Variants in SH3PXD2A observed in about 807,000 individuals in gnomAD.
SH3PXD2A encodes the protein SH3 and PX domains 2A.
In SH3PXD2A, 32 loss-of-function variants were observed where a neutral mutation model predicts 115.2. The observed-to-expected ratio is 0.28, with a 90% confidence interval of 0.21 to 0.37. SH3PXD2A has a LOEUF of 0.37. SH3PXD2A is among the 10% of genes least tolerant of loss of function. The probability of loss-of-function intolerance (pLI) is 1.00; values close to 1 mark genes in which losing one functional copy is unlikely to be tolerated. For synonymous variants in SH3PXD2A, 610 were observed against 629.1 expected (o/e 0.97, Z 0.45); for missense variants, 1,328 against 1,498.7 (o/e 0.89, Z 1.88).
At chr10:103,604,898 A>G (rs1435766338) in intron 14 of SH3PXD2A, among the ~76,000 whole-genome samples, 1 of 152,256 alleles carries the variant, frequency 6.6e-6, no homozygotes, top group Non-Finnish European at 1.5e-5. Context: ...AGTTCCAGGC[A>G]TGTGATTTAA....
intron 6 of SH3PXD2A, among the ~76,000 whole-genome samples, chr10:103,677,046 C>A (rs928092531): frequency 6.6e-6 from 1 of 152,198 alleles, no homozygotes; most frequent in Non-Finnish European, 1.5e-5. Context: ...GTCTTGCAAT[C>A]CGCCTCCTCC....
At chr10:103,740,415 A>G (rs989447994) in intron 3 of SH3PXD2A, among the ~76,000 whole-genome samples, 16 of 151,940 alleles carry the variant, frequency 1.1e-4, no homozygotes, top group African/African-American at 3.9e-4. Context: ...GAACAGTTAA[A>G]CCCCCAAACC....
In SH3PXD2A at chr10:103,602,372, A is replaced by C; in HGVS notation, c.2846T>G (p.Ile949Ser). 1 of 1,613,564 alleles carries C rather than the reference A, an allele frequency of 6.2e-7. No homozygotes were observed. Among genetic ancestry groups the C allele is most frequent in the Non-Finnish European group, 8.5e-7 (1 of 1,179,828 alleles). ...GAAGCCCCCGGGAGGTTTGGAGGGG[A>C]TGGGGGGCGTGGCCTTCTTGCTCTG... is the stretch of plus-strand genomic sequence containing the variant. Reference protein sequence around the residue: ...VNQSKKATPPIPSKPPGGFGK... With the variant: ...VNQSKKATPPSPSKPPGGFGK... The change falls in exon 15 of 15, where the codon ATC becomes AGC. Residue 949 changes from isoleucine (I) to serine (S), a missense_variant. Physicochemically the swap from Ile to Ser is moderately radical, Grantham distance 142 (BLOSUM62 -2). Transcript: ENST00000369774.
chr10:103,842,352 G>A (rs2039609535), intron 1 of SH3PXD2A, among the ~76,000 whole-genome samples: 1 of 152,028 alleles, frequency 6.6e-6, no homozygotes, highest in Non-Finnish European at 1.5e-5. Context: ...TAATCAAATC[G>A]GGGTCATGGG....
Position 103,627,688 on chromosome 10 carries a change from T to C in SH3PXD2A, c.605-486A>G, listed in dbSNP as rs1471394009. ...ATCGCGGGTCAGCGGTACCTTCGCA[T>C]TGGTGCCACTCACAGCTGCCCTTTA... On this transcript the variant is annotated intron_variant, in intron 8 of 14. Transcript: ENST00000369774. The surrounding 1 kb of genome is among the most constrained non-coding windows in gnomAD (Gnocchi z 4.4). Among the ~76,000 whole-genome samples, 3 of 152,230 alleles carry C rather than the reference T, an allele frequency of 2.0e-5. No homozygotes were observed. Among genetic ancestry groups the C allele is most frequent in the Non-Finnish European group, 4.4e-5 (3 of 68,028 alleles).
chr10:103,797,566 T>A (rs2039104346), intron 2 of SH3PXD2A, among the ~76,000 whole-genome samples: 1 of 152,066 alleles, frequency 6.6e-6, no homozygotes. Context: ...GGCTCCCTCC[T>A]GCTTGCTGTT....
chr10:103,661,706 A>C (rs1378113957), intron 7 of SH3PXD2A: 1 of 985,078 alleles, frequency 1.0e-6, no homozygotes, highest in African/African-American at 1.7e-5. Flanking sequence ...GAGCTTCTCC[A>C]CGGCCCAGGC....
At chr10:103,661,532 G>A (rs554385743) in intron 7 of SH3PXD2A, 4 of 489,336 alleles carry the variant, frequency 8.2e-6, no homozygotes, top group South Asian at 1.7e-4. Context: ...CAGGGGCATC[G>A]GGGAGGGCGG....
chr10:103,692,497 A>G (rs2134129405), intron 6 of SH3PXD2A, among the ~76,000 whole-genome samples: 1 of 152,288 alleles, frequency 6.6e-6, no homozygotes, highest in South Asian at 2.1e-4. Context: ...TGGGGCAGGG[A>G]AGAAGGTCTG....
chr10:103,694,713 C>A (rs1451627285), intron 5 of SH3PXD2A, among the ~76,000 whole-genome samples: 1 of 152,156 alleles, frequency 6.6e-6, no homozygotes, highest in Admixed American at 6.5e-5. Flanking sequence ...CCGAAGGTTG[C>A]CCAATCTGGG....
At chr10:103,718,595 G>A (rs1055116571) in intron 5 of SH3PXD2A, among the ~76,000 whole-genome samples, 1 of 152,196 alleles carries the variant, frequency 6.6e-6, no homozygotes, top group East Asian at 1.9e-4. Context: ...TAGCAACTTC[G>A]CTTCCCCATC....
Position 103,596,416 on chromosome 10 carries a change from TAATAA to T in SH3PXD2A, c.*5395_*5399del, listed in dbSNP as rs769748330. 3 of 150,968 alleles carry T rather than the reference TAATAA, an allele frequency of 2.0e-5. No individual in the cohort carries two copies. The highest frequency in any genetic ancestry group is 4.9e-5 in the African/African-American group (2 of 40,870). The allele number at this position is 150,968 out of a possible 1,614,324, so 9.4% of individuals were successfully genotyped here. A position where few individuals can be genotyped will look rare whatever the true frequency, so the allele number is the denominator to read the frequency against. ...AGTGTGAAATTTCCAACTAAATACT[TAATAA>T]AATAATTACAAAAAGAAAAAAAAAT... is the stretch of plus-strand genomic sequence containing the variant. On this transcript the variant is annotated 3_prime_UTR_variant, in exon 15 of 15. Transcript: ENST00000369774.
chr10:103,742,063 C>A (rs1480737346), intron 3 of SH3PXD2A, among the ~76,000 whole-genome samples: 1 of 152,174 alleles, frequency 6.6e-6, no homozygotes, highest in African/African-American at 2.4e-5. Flanking sequence ...GTAGGGGGAT[C>A]GCTTGAGCCT....
intron 6 of SH3PXD2A, among the ~76,000 whole-genome samples, chr10:103,686,997 C>G (rs1447848705): frequency 6.6e-6 from 1 of 152,170 alleles, no homozygotes; most frequent in East Asian, 1.9e-4. Context: ...ATCCACCTGC[C>G]TCGGTCTCCC....
chr10:103,688,867 T>C (rs1207500603), intron 6 of SH3PXD2A, among the ~76,000 whole-genome samples: 3 of 152,034 alleles, frequency 2.0e-5, no homozygotes, highest in Admixed American at 6.5e-5. Context: ...CCCTCCTTCC[T>C]TCCTATTTAT....
At chr10:103,618,312 G>A (rs569367270) in intron 10 of SH3PXD2A, among the ~76,000 whole-genome samples, 1 of 152,340 alleles carries the variant, frequency 6.6e-6, no homozygotes, top group Admixed American at 6.5e-5. Context: ...GCTTCCAGGA[G>A]GGTGTTTCTT....
intron 1 of SH3PXD2A, among the ~76,000 whole-genome samples, chr10:103,805,824 G>C (rs2134270254): frequency 6.6e-6 from 1 of 152,378 alleles, no homozygotes; most frequent in African/African-American, 2.4e-5. Flanking sequence ...AGGAGTTTGA[G>C]ACTGGCCTGG....
At chr10:103,626,579 AC>A (rs1470269822) in intron 9 of SH3PXD2A, among the ~76,000 whole-genome samples, 13 of 151,382 alleles carry the variant, frequency 8.6e-5, no homozygotes, top group African/African-American at 3.2e-4. Flanking sequence ...GAAAAACCTC[AC>A]TGAGTAGTTT....
chr10:103,839,153 T>TA, intron 1 of SH3PXD2A, among the ~76,000 whole-genome samples: 1 of 152,290 alleles, frequency 6.6e-6, no homozygotes, highest in Non-Finnish European at 1.5e-5. Context: ...GCAGAACCAC[T>TA]AGCAAGTAGA....
Sources: gnomAD v4.1 joint callset for allele counts (sites outside exome capture counted in the v4.1 genomes callset) on GRCh38, gnomAD v4.1.1 for gene constraint, Gnocchi (gnomAD v3.1) non-coding constraint, MANE v1.5 for transcripts, NCBI Gene and HGNC (gene_info 2026-07-23, HGNC 2026-07-21) for gene names.